PI4K2B: variants seen among roughly 807,000 people sequenced by gnomAD.
The protein encoded by PI4K2B is phosphatidylinositol 4-kinase type 2-beta.
A neutral mutation model predicts 56.6 loss-of-function variants in PI4K2B; 46 were observed. The ratio of observed to expected loss-of-function variants is 0.81; its 90% CI spans 0.64 to 1.04. The LOEUF is 1.04. Ranked by LOEUF, PI4K2B falls within the 50% of genes least tolerant of loss-of-function variation. The probability of loss-of-function intolerance (pLI) is 0.00; values close to 1 mark genes in which losing one functional copy is unlikely to be tolerated. For missense variants in PI4K2B, 556 were observed against 607.7 expected (o/e 0.91, Z 0.89); for synonymous variants, 211 against 223.8 (o/e 0.94, Z 0.51).
intron 1 of PI4K2B, among the ~76,000 whole-genome samples, chr4:25,246,162 G>A (rs1460155527): frequency 1.3e-5 from 2 of 152,102 alleles, no homozygotes; most frequent in Non-Finnish European, 2.9e-5. Flanking sequence ...GTGAGCAGCA[G>A]CAAGATTTAT....
intron 1 of PI4K2B, among the ~76,000 whole-genome samples, chr4:25,246,711 C>T (rs1364182703): frequency 2.6e-5 from 4 of 152,194 alleles, no homozygotes; most frequent in Admixed American, 1.3e-4. Context: ...TGCACAGGAG[C>T]CCACGGCGGC....
chr4:25,254,442 C>G (rs2109098391), intron 2 of PI4K2B: 1 of 418,424 alleles, frequency 2.4e-6, no homozygotes, highest in Non-Finnish European at 3.2e-6. Flanking sequence ...GAGACAGAGT[C>G]TCGCTCTGTC....
intron 9 of PI4K2B, among the ~76,000 whole-genome samples, chr4:25,270,636 G>A (rs1003026524): frequency 2.0e-5 from 3 of 152,072 alleles, no homozygotes; most frequent in Non-Finnish European, 4.4e-5. Context: ...GTGTGCCACC[G>A]TGCCCAGCCC....
At chr4:25,238,027 A>C (rs1226564253) in intron 1 of PI4K2B, among the ~76,000 whole-genome samples, 1 of 152,226 alleles carries the variant, frequency 6.6e-6, no homozygotes, top group African/African-American at 2.4e-5. Context: ...CTGCCAAAGT[A>C]AAAGAAAATG....
chr4:25,236,206 AAAATAAATAAAT>A (rs55804997), intron 1 of PI4K2B, among the ~76,000 whole-genome samples: 56,500 of 139,464 alleles, frequency 0.41, 12,848 homozygotes, highest in Non-Finnish European at 0.51. Context: ...CTCTGTCTCA[AAAATAAATAAAT>A]AAATAAATAA....
At chr4:25,263,524 A>G (rs1716553012) in intron 6 of PI4K2B, among the ~76,000 whole-genome samples, 1 of 152,164 alleles carries the variant, frequency 6.6e-6, no homozygotes, top group South Asian at 2.1e-4. Context: ...ATTACTGAGT[A>G]ATGGTATAAT....
At chr4:25,246,328 C>T (rs1294662536) in intron 1 of PI4K2B, among the ~76,000 whole-genome samples, 3 of 152,150 alleles carry the variant, frequency 2.0e-5, no homozygotes, top group East Asian at 1.9e-4. Flanking sequence ...GTCTGTTTTA[C>T]AGAGAGCTGA....
rs533544057 is a variant in PI4K2B at position 25,260,610 on chromosome 4, TTATATATATATATATATA to T, written c.978+34_978+51del. ...CCATAAGGTAAGGAAATTTACAATT[TTATATATATATATATATA>T]TATATATATATATACACACACACAC... On this transcript the variant is annotated intron_variant, in intron 6 of 9. Coordinates refer to ENST00000264864, the MANE Select transcript of PI4K2B (RefSeq NM_018323.4). 16 of 306,850 alleles carry T rather than the reference TTATATATATATATATATA, an allele frequency of 5.2e-5. No individual in the cohort carries two copies. The highest frequency in any genetic ancestry group is 1.7e-4 in the African/African-American group (7 of 40,212). The allele number at this position is 306,850 out of a possible 1,614,324, so 19.0% of individuals were successfully genotyped here.
At chr4:25,252,049 T>C (rs1716078676) in intron 1 of PI4K2B, among the ~76,000 whole-genome samples, 1 of 152,078 alleles carries the variant, frequency 6.6e-6, no homozygotes, top group Admixed American at 6.6e-5. Context: ...GGTCTTGAAC[T>C]CTCCTGACCT....
intron 6 of PI4K2B, 152 bp downstream of exon 6, chr4:25,260,743 CCTTT>C (rs1716442463): frequency 3.9e-6 from 1 of 254,832 alleles, no homozygotes; most frequent in Non-Finnish European, 7.5e-6. Context: ...GTAAAAGATT[CCTTT>C]AAGTTATTCT....
chr4:25,266,467 T>C (rs1716667114), intron 7 of PI4K2B, among the ~76,000 whole-genome samples: 1 of 152,264 alleles, frequency 6.6e-6, no homozygotes, highest in Non-Finnish European at 1.5e-5. Context: ...AAACTACTGA[T>C]ACGCTTAAGC....
At chr4:25,251,547 G>C (rs758861871) in intron 1 of PI4K2B, among the ~76,000 whole-genome samples, 3 of 152,086 alleles carry the variant, frequency 2.0e-5, no homozygotes, top group Admixed American at 6.5e-5. Context: ...CCAGTGACGT[G>C]GGGGAGCAGT....
chr4:25,260,867 T>TG (rs1716447278), intron 6 of PI4K2B, among the ~76,000 whole-genome samples: 1 of 116,696 alleles, frequency 8.6e-6, no homozygotes. Context: ...TCTTGATTCT[T>TG]GATTTTTTTT....
At chr4:25,244,327 A>G (rs1715667090) in intron 1 of PI4K2B, among the ~76,000 whole-genome samples, 1 of 152,150 alleles carries the variant, frequency 6.6e-6, no homozygotes, top group Admixed American at 6.5e-5. Flanking sequence ...GGGGAGCTAT[A>G]GGGAGGCTAG....
At chr4:25,251,283 TAGATCCTCTCCTGAGAG>T (rs1716039269) in intron 1 of PI4K2B, among the ~76,000 whole-genome samples, 1 of 152,130 alleles carries the variant, frequency 6.6e-6, no homozygotes, top group Non-Finnish European at 1.5e-5. Context: ...AATAGGAAGC[TAGATCCTCTCCTGAGAG>T]AGAGGATGGA....
rs35994396 is a variant in PI4K2B at position 25,255,457 on chromosome 4, G to A, written c.624+192G>A. Reference sequence around the variant, plus strand: ...ATCCACAAAGTACTTAAAGGAATGTGTCTTGTCTCTGTGAGATCTGACGAT... The same window carrying A: ...ATCCACAAAGTACTTAAAGGAATGTATCTTGTCTCTGTGAGATCTGACGAT... On this transcript the variant is annotated intron_variant, in intron 3 of 9. Transcript: ENST00000264864. Among the ~76,000 whole-genome samples, 2,193 of 123,366 alleles carry A rather than the reference G, an allele frequency of 0.018. 112 individuals are homozygous for A. In the East Asian group the frequency reaches 0.21, roughly 12 times the overall value. 80.9% of individuals were successfully genotyped at this position (123,366 alleles called of 152,430 possible). A position where few individuals can be genotyped will look rare whatever the true frequency, so the allele number is the denominator to read the frequency against.
chr4:25,245,967 C>T (rs1017463855), intron 1 of PI4K2B, among the ~76,000 whole-genome samples: 13 of 152,132 alleles, frequency 8.5e-5, no homozygotes, highest in African/African-American at 1.2e-4. Flanking sequence ...AATGAAGCCA[C>T]GGACCCTCCC....
At chr4:25,243,821 G>C (rs1490122946) in intron 1 of PI4K2B, among the ~76,000 whole-genome samples, 7 of 152,138 alleles carry the variant, frequency 4.6e-5, no homozygotes, top group Non-Finnish European at 8.8e-5. Context: ...TAGAACACAG[G>C]TCGACAGATG....
intron 9 of PI4K2B, among the ~76,000 whole-genome samples, chr4:25,274,557 T>C (rs1490766155): frequency 1.3e-5 from 2 of 152,202 alleles, no homozygotes; most frequent in Non-Finnish European, 2.9e-5. Context: ...CTTGTTCATG[T>C]GGCTGCTTCT....
Sources: gnomAD v4.1 joint callset for allele counts (sites outside exome capture counted in the v4.1 genomes callset) on GRCh38, gnomAD v4.1.1 for gene constraint, MANE v1.5 for transcripts, NCBI Gene and HGNC (gene_info 2026-07-23, HGNC 2026-07-21) for gene names.